The following DEPDC5 variants were observed in gnomAD, a reference collection of about 807,000 sequenced individuals.
The protein encoded by DEPDC5 is GATOR1 complex protein DEPDC5.
DEPDC5 carries 73 observed loss-of-function variants against 217.3 expected under a neutral mutation model. The observed-to-expected ratio is 0.34, with a 90% CI of 0.28 to 0.41. The LOEUF (loss-of-function observed/expected upper bound fraction) is 0.41, where lower values mean the gene tolerates loss of function less well. Among genes scored for constraint, DEPDC5 ranks in the 10% least tolerant of loss-of-function variants. DEPDC5 has a pLI of 1.00. For missense variants in DEPDC5, 1,675 were observed against 2,070.1 expected (o/e 0.81, Z 3.70); for synonymous variants, 733 against 756.7 (o/e 0.97, Z 0.51).
chr22:31,836,624 C>A (rs1368051205), intron 25 of DEPDC5, among the ~76,000 whole-genome samples: 1 of 152,166 alleles, frequency 6.6e-6, no homozygotes, highest in Non-Finnish European at 1.5e-5. Flanking sequence ...GCTTGGGCCT[C>A]CCTGCTCTTG....
At chr22:31,887,419 C>CAATAAAA in intron 38 of DEPDC5, among the ~76,000 whole-genome samples, 1 of 65,686 alleles carries the variant, frequency 1.5e-5, no homozygotes, top group African/African-American at 5.1e-5. Flanking sequence ...AACTCTGTCT[C>CAATAAAA]AAAAAAAAAA....
chr22:31,805,069 A>G, intron 17 of DEPDC5, 154 bp downstream of exon 17: 2 of 667,572 alleles, frequency 3.0e-6, no homozygotes, highest in Non-Finnish European at 5.0e-6. Flanking sequence ...AGCTCTGTAC[A>G]CACAAAGCAG....
At chr22:31,791,925 CAAAAAAAA>C (rs34494517) in intron 10 of DEPDC5, 100 bp from the exon 11 acceptor site, 85 of 124,100 alleles carry the variant, frequency 6.8e-4, no homozygotes, top group South Asian at 4.2e-3. Context: ...GACTCCGTCT[CAAAAAAAA>C]AAAAAAAAAA....
intron 36 of DEPDC5, among the ~76,000 whole-genome samples, chr22:31,874,728 C>G (rs1344897068): frequency 6.6e-6 from 1 of 152,144 alleles, no homozygotes; most frequent in Non-Finnish European, 1.5e-5. Flanking sequence ...CCAGTTTCCC[C>G]TGGTCAATGC....
At chr22:31,840,514 A>C (rs894404175) in intron 27 of DEPDC5, among the ~76,000 whole-genome samples, 40 of 152,150 alleles carry the variant, frequency 2.6e-4, no homozygotes, top group African/African-American at 9.7e-4. Flanking sequence ...TGTCACTGGC[A>C]CCTTCCAGGC....
chr22:31,879,709 T>C lies in DEPDC5; in HGVS notation c.3990T>C (p.Phe1330=). ...PASYASRHSS[F]SRSFGGRSQA... ...CCTATGCAAGTAGGCACAGCTCCTTTAGCCGAAGTTTTGGAGGACGGAGCC... is the reference window on the plus strand; with the variant it reads ...CCTATGCAAGTAGGCACAGCTCCTTCAGCCGAAGTTTTGGAGGACGGAGCC... The change falls in exon 38 of 43, where the codon TTT becomes TTC. Residue 1330 remains phenylalanine (F), a synonymous_variant. Transcript: ENST00000651528. The C allele has an allele frequency of 6.2e-7, 1 of 1,614,168 alleles. No individual in the cohort carries two copies. The highest frequency in any genetic ancestry group is 8.5e-7 in the Non-Finnish European group (1 of 1,180,040).
intron 40 of DEPDC5, among the ~76,000 whole-genome samples, chr22:31,900,020 T>C (rs1187988429): frequency 2.6e-5 from 4 of 152,156 alleles, no homozygotes; most frequent in Non-Finnish European, 5.9e-5. Context: ...CCCAGCTGAT[T>C]ACTCTTCAAA....
At chr22:31,780,946 G>A (rs914260783) in intron 8 of DEPDC5, among the ~76,000 whole-genome samples, 2 of 152,188 alleles carry the variant, frequency 1.3e-5, no homozygotes, top group Admixed American at 1.3e-4. Context: ...GGCCGGGCGC[G>A]GTGGCTCACG....
At chr22:31,849,222 C>T (rs539378223) in intron 31 of DEPDC5, among the ~76,000 whole-genome samples, 2 of 152,294 alleles carry the variant, frequency 1.3e-5, no homozygotes, top group East Asian at 1.9e-4. Flanking sequence ...AAAGTCGCTT[C>T]CACATTTTCG....
intron 34 of DEPDC5, among the ~76,000 whole-genome samples, chr22:31,871,430 T>A (rs2092839354): frequency 1.3e-5 from 2 of 152,210 alleles, no homozygotes; most frequent in African/African-American, 4.8e-5. Flanking sequence ...CAGGAGTCAC[T>A]CCATTTCCCT....
At chr22:31,846,780 C>T (rs1447589627) in intron 30 of DEPDC5, 54 bp from the exon 31 acceptor site, 1 of 1,612,666 alleles carries the variant, frequency 6.2e-7, no homozygotes, top group East Asian at 2.2e-5. Context: ...GCATGAGTGG[C>T]TTCCACTGAG....
At chr22:31,872,818 G>A (rs1052307341) in intron 34 of DEPDC5, among the ~76,000 whole-genome samples, 3 of 151,870 alleles carry the variant, frequency 2.0e-5, no homozygotes, top group Admixed American at 6.6e-5. Flanking sequence ...TGAGTGGCAC[G>A]ACCTCAGCTC....
At chr22:31,788,788 G>A (rs1016011963) in intron 10 of DEPDC5, among the ~76,000 whole-genome samples, 4 of 148,226 alleles carry the variant, frequency 2.7e-5, no homozygotes, top group Admixed American at 6.7e-5. Context: ...GTTGGCCAGG[G>A]TGGTCTCGAA....
At chr22:31,806,093 A>G in intron 17 of DEPDC5, 29 bp from the exon 18 acceptor site, 1 of 1,592,074 alleles carries the variant, frequency 6.3e-7, no homozygotes, top group Non-Finnish European at 8.6e-7. Flanking sequence ...GGGAATTTAG[A>G]TTAATGACTC....
intron 38 of DEPDC5, 82 bp from the exon 39 acceptor site, chr22:31,893,498 CAT>C: frequency 7.4e-7 from 1 of 1,352,334 alleles, no homozygotes; most frequent in Non-Finnish European, 9.8e-7. Context: ...TATATAGTTT[CAT>C]ATCTGGATAC....
At chr22:31,795,897 AT>A (rs2086192151) in intron 12 of DEPDC5, among the ~76,000 whole-genome samples, 1 of 148,866 alleles carries the variant, frequency 6.7e-6, no homozygotes, top group African/African-American at 2.5e-5. Flanking sequence ...CACCTGGCTG[AT>A]TTTGTATTTT....
At chr22:31,835,260 A>G (rs2090907920) in intron 25 of DEPDC5, among the ~76,000 whole-genome samples, 1 of 152,258 alleles carries the variant, frequency 6.6e-6, no homozygotes, top group East Asian at 1.9e-4. Context: ...AGCTACCAGC[A>G]GTGAATAGAT....
At chr22:31,889,559 TTTTTTTTC>T (rs1308766980) in intron 38 of DEPDC5, among the ~76,000 whole-genome samples, 5 of 143,876 alleles carry the variant, frequency 3.5e-5, no homozygotes, top group Admixed American at 2.1e-4. Context: ...TTTTTTTTTT[TTTTTTTTC>T]CAGACAGAGT....
intron 27 of DEPDC5, among the ~76,000 whole-genome samples, chr22:31,840,531 C>T (rs2091328460): frequency 6.6e-6 from 1 of 152,168 alleles, no homozygotes; most frequent in Admixed American, 6.6e-5. Flanking sequence ...AGGCTGCCCA[C>T]CTGTTGTTCT....
Sources: gnomAD v4.1 joint callset for allele counts (sites outside exome capture counted in the v4.1 genomes callset) on GRCh38, gnomAD v4.1.1 for gene constraint, MANE v1.5 for transcripts, NCBI Gene and HGNC (gene_info 2026-07-23, HGNC 2026-07-21) for gene names.